Variants in DCAF10 observed in about 807,000 individuals in gnomAD.
DCAF10 encodes DDB1- and CUL4-associated factor 10.
A neutral mutation model predicts 51.9 loss-of-function variants in DCAF10; 19 were observed. The observed-to-expected ratio is 0.37, with a 90% CI of 0.26 to 0.54. DCAF10 has a LOEUF of 0.54. Among genes scored for constraint, DCAF10 ranks in the 20% least tolerant of loss-of-function variants. DCAF10 has a pLI of 0.87. For synonymous variants in DCAF10, 291 were observed against 297.1 expected (o/e 0.98, Z 0.21); for missense variants, 510 against 730.6 (o/e 0.70, Z 3.48).
chr9:37,818,538 T>C lies in DCAF10; in HGVS notation c.540-750T>C, dbSNP rs939859776. Reference sequence around the variant, plus strand: ...TTTTCACAAATCAAAACAAGGTTTGTAAAAGGTTTATAAAAATATAACTTT... The same window carrying C: ...TTTTCACAAATCAAAACAAGGTTTGCAAAAGGTTTATAAAAATATAACTTT... On this transcript the variant is annotated intron_variant, in intron 1 of 6. Coordinates refer to ENST00000377724, the MANE Select transcript of DCAF10 (RefSeq NM_024345.5). 2.0e-5 allele frequency among the ~76,000 whole-genome samples: 3 copies of C among 152,154 alleles called. 1 individual carries two copies. The highest frequency in any genetic ancestry group is 7.2e-5 in the African/African-American group (3 of 41,444).
intron 1 of DCAF10, among the ~76,000 whole-genome samples, chr9:37,811,990 C>T (rs758661186): frequency 6.6e-6 from 1 of 151,976 alleles, no homozygotes; most frequent in Non-Finnish European, 1.5e-5. Context: ...AGTTTGAGAC[C>T]AGCCCGGCCA....
chr9:37,837,845 C>CAA (rs111802269), intron 2 of DCAF10, among the ~76,000 whole-genome samples: 6,026 of 133,660 alleles, frequency 0.045, 410 homozygotes, highest in African/African-American at 0.15. Context: ...GCTTGTGTGT[C>CAA]AAAAAAAAAA....
intron 1 of DCAF10, among the ~76,000 whole-genome samples, chr9:37,812,988 C>T (rs932504582): frequency 3.3e-5 from 5 of 152,082 alleles, no homozygotes; most frequent in Non-Finnish European, 7.4e-5. Flanking sequence ...GTAATAATTA[C>T]GTACTTCACT....
At chr9:37,831,051 C>T (rs1440378394) in intron 2 of DCAF10, among the ~76,000 whole-genome samples, 2 of 152,114 alleles carry the variant, frequency 1.3e-5, no homozygotes, top group South Asian at 2.1e-4. Flanking sequence ...GGTGAAACCC[C>T]GTCTCTATTA....
intron 1 of DCAF10, among the ~76,000 whole-genome samples, chr9:37,818,983 C>G (rs185083248): frequency 6.6e-6 from 1 of 152,162 alleles, no homozygotes; most frequent in East Asian, 1.9e-4. Context: ...GTAATTAGTT[C>G]TCTAGATTAA....
chr9:37,834,773 C>T (rs1436509245), intron 2 of DCAF10, among the ~76,000 whole-genome samples: 3 of 150,550 alleles, frequency 2.0e-5, no homozygotes, highest in African/African-American at 4.9e-5. Flanking sequence ...ATTTTTTGTA[C>T]GTATTTTTCT....
At chr9:37,812,611 C>T (rs568029458) in intron 1 of DCAF10, among the ~76,000 whole-genome samples, 80 of 152,222 alleles carry the variant, frequency 5.3e-4, no homozygotes, top group African/African-American at 1.8e-3. Context: ...AATAAATATG[C>T]GTGTAAATCA....
intron 3 of DCAF10, among the ~76,000 whole-genome samples, chr9:37,846,350 T>C (rs1028866453): frequency 1.3e-5 from 2 of 152,188 alleles, no homozygotes; most frequent in Admixed American, 6.5e-5. Flanking sequence ...ATTAAAAGGA[T>C]TAATAAGGAG....
chr9:37,835,673 G>T (rs1468116980), intron 2 of DCAF10, among the ~76,000 whole-genome samples: 1 of 152,114 alleles, frequency 6.6e-6, no homozygotes, highest in Non-Finnish European at 1.5e-5. Flanking sequence ...GGGAGGCGGA[G>T]GTTGCAGAGA....
rs1482727348 is a variant in DCAF10, at chr9:37,841,971, G to T, written c.654-118G>T. 6 of 842,146 alleles carry T rather than the reference G, an allele frequency of 7.1e-6. No homozygotes were observed. In the African/African-American group the frequency reaches 8.6e-5, roughly 12 times the overall value. 52.2% of individuals were successfully genotyped at this position (842,146 alleles called of 1,614,324 possible). A position where few individuals can be genotyped will look rare whatever the true frequency, so the allele number is the denominator to read the frequency against. ...ATCAGTCATTGGGTTTACATAGTGAGTGTGTAGTCCTTTTTTTCTTTCTTT... is the reference window on the plus strand; with the variant it reads ...ATCAGTCATTGGGTTTACATAGTGATTGTGTAGTCCTTTTTTTCTTTCTTT... On this transcript the variant is annotated intron_variant, in intron 2 of 6. Coordinates refer to ENST00000377724, the MANE Select transcript of DCAF10 (RefSeq NM_024345.5).
intron 2 of DCAF10, among the ~76,000 whole-genome samples, chr9:37,840,171 C>T (rs2118027715): frequency 6.6e-6 from 1 of 152,162 alleles, no homozygotes; most frequent in African/African-American, 2.4e-5. Flanking sequence ...AACAGTGGTT[C>T]CAGAAGATTA....
intron 2 of DCAF10, among the ~76,000 whole-genome samples, chr9:37,825,437 C>T (rs895290765): frequency 6.6e-6 from 1 of 152,176 alleles, no homozygotes. Context: ...ATGGGTAAAA[C>T]TGGAGGCCAT....
intron 1 of DCAF10, among the ~76,000 whole-genome samples, chr9:37,803,723 G>T (rs1035853455): frequency 2.0e-5 from 3 of 148,744 alleles, no homozygotes; most frequent in South Asian, 2.2e-4. Context: ...TGACATATCC[G>T]TGTTAAATGA....
At position 37,832,421 on chromosome 9, in the gene DCAF10, G is replaced by A. The variant is rs558998429; in HGVS notation, c.654-9668G>A. 2.0e-5 allele frequency among the ~76,000 whole-genome samples: 3 copies of A among 151,842 alleles called. No homozygotes were observed. The South Asian group carries it at 6.2e-4, about 32-fold the overall frequency. ...TGCAGTGAGCCGAGATCACGCCATT[G>A]CATGCCAGCCTGGGCAACAAGAGCG... On this transcript the variant is annotated intron_variant, in intron 2 of 6. Transcript: ENST00000377724.
chr9:37,839,560 TA>T (rs930307903), intron 2 of DCAF10, among the ~76,000 whole-genome samples: 2 of 152,166 alleles, frequency 1.3e-5, no homozygotes, highest in Non-Finnish European at 2.9e-5. Context: ...TTTTTATAAT[TA>T]AAAAATAGTT....
At chr9:37,857,155 C>T in intron 4 of DCAF10, 86 bp from the exon 5 acceptor site, 2 of 1,075,652 alleles carry the variant, frequency 1.9e-6, no homozygotes, top group South Asian at 3.4e-5. Context: ...AATTTTAAAA[C>T]TATGGTTCGA....
chr9:37,836,772 C>CT (rs951013334), intron 2 of DCAF10, among the ~76,000 whole-genome samples: 84 of 147,218 alleles, frequency 5.7e-4, no homozygotes, highest in Admixed American at 6.1e-4. Context: ...CACACCCTTA[C>CT]TTTTTTTTTT....
chr9:37,860,326 G>C, intron 6 of DCAF10, 133 bp downstream of exon 6: 3 of 1,158,514 alleles, frequency 2.6e-6, no homozygotes, highest in South Asian at 1.6e-5. Context: ...CCTGCTTCTC[G>C]ACTCTCCTGT....
chr9:37,816,335 T>A (rs1385291280), intron 1 of DCAF10, among the ~76,000 whole-genome samples: 3 of 152,236 alleles, frequency 2.0e-5, no homozygotes, highest in Admixed American at 6.5e-5. Flanking sequence ...ACGCCTGTAA[T>A]CCCAGCACTT....
Sources: allele counts gnomAD v4.1 joint callset (sites outside exome capture counted in the v4.1 genomes callset), GRCh38; gene constraint gnomAD v4.1.1; transcripts MANE v1.5; gene names NCBI Gene and HGNC (gene_info 2026-07-23, HGNC 2026-07-21).